The following CSRNP3 variants were observed in gnomAD, a reference collection of about 807,000 sequenced individuals.
CSRNP3 encodes cysteine/serine-rich nuclear protein 3.
A neutral mutation model predicts 48.0 loss-of-function variants in CSRNP3; 12 were observed. The ratio of observed to expected loss-of-function variants is 0.25; its 90% CI spans 0.16 to 0.41. The LOEUF (loss-of-function observed/expected upper bound fraction) is 0.41. Among genes scored for constraint, CSRNP3 ranks in the 10% least tolerant of loss-of-function variants. The probability of loss-of-function intolerance (pLI) is 1.00; values close to 1 mark genes in which losing one functional copy is unlikely to be tolerated. For missense variants in CSRNP3, 580 were observed against 724.4 expected, an observed-to-expected ratio of 0.80 and a Z score of 2.29; for synonymous variants, 263 against 269.7, an observed-to-expected ratio of 0.98 and a Z score of 0.24.
chr2:165,502,140 A>C (rs1684367016), intron 2 of CSRNP3, among the ~76,000 whole-genome samples: 1 of 152,080 alleles, frequency 6.6e-6, no homozygotes, highest in African/African-American at 2.4e-5. Context: ...CTATGCAATT[A>C]GTTGAATAAT....
At chr2:165,669,868 C>A (rs558815280) in intron 5 of CSRNP3, among the ~76,000 whole-genome samples, 1 of 152,112 alleles carries the variant, frequency 6.6e-6, no homozygotes, top group South Asian at 2.1e-4. Flanking sequence ...ACCTGGAGAT[C>A]CTAACAGTAC....
chr2:165,617,670 A>G lies in CSRNP3; in HGVS notation c.148+22457A>G, dbSNP rs142799085. On this transcript the variant is annotated intron_variant, in intron 4 of 6. Coordinates refer to ENST00000651982, the MANE Select transcript of CSRNP3 (RefSeq NM_001172173.2). The stretch of plus-strand genomic sequence containing the variant: ...GAAGGGCTGTATTTCCTCTCCGTAG[A>G]TGATACGCATATGCAGGTGTGTGGT... 3.0e-3 allele frequency among the ~76,000 whole-genome samples: 450 copies of G among 152,314 alleles called. 4 individuals are homozygous for G. Among genetic ancestry groups the G allele is most frequent in the African/African-American group, 0.01 (429 of 41,568 alleles).
chr2:165,644,374 A>G (rs1030725200), intron 4 of CSRNP3, among the ~76,000 whole-genome samples: 1 of 152,224 alleles, frequency 6.6e-6, no homozygotes, highest in Non-Finnish European at 1.5e-5. Flanking sequence ...ATGAGGCTTC[A>G]GGGGAGAACT....
chr2:165,533,479 A>G (rs1684841874), intron 3 of CSRNP3, among the ~76,000 whole-genome samples: 1 of 152,036 alleles, frequency 6.6e-6, no homozygotes, highest in Non-Finnish European at 1.5e-5. Context: ...AAAGGACATA[A>G]CAAAGTGCTG....
intron 3 of CSRNP3, among the ~76,000 whole-genome samples, chr2:165,538,320 C>A (rs953969460): frequency 6.6e-6 from 1 of 151,932 alleles, no homozygotes; most frequent in East Asian, 1.9e-4. Flanking sequence ...TTCCCCAAAA[C>A]CAGTAGGAAA....
intron 5 of CSRNP3, among the ~76,000 whole-genome samples, chr2:165,664,336 C>G (rs1038354038): frequency 6.6e-6 from 1 of 152,144 alleles, no homozygotes; most frequent in African/African-American, 2.4e-5. Flanking sequence ...TCTTATTGAA[C>G]AATTCTGGTG....
chr2:165,516,100 C>A (rs2105230836), intron 2 of CSRNP3, among the ~76,000 whole-genome samples: 1 of 152,192 alleles, frequency 6.6e-6, no homozygotes, highest in Middle Eastern at 3.4e-3. Flanking sequence ...GCCACTGTGC[C>A]CGGCCACAAA....
intron 2 of CSRNP3, among the ~76,000 whole-genome samples, chr2:165,495,514 G>A (rs1019453168): frequency 1.3e-5 from 2 of 151,950 alleles, no homozygotes; most frequent in Non-Finnish European, 1.5e-5. Context: ...AGCTTAGTAT[G>A]ATATGTTCTA....
intron 4 of CSRNP3, among the ~76,000 whole-genome samples, chr2:165,642,055 T>C (rs935690098): frequency 7.3e-5 from 11 of 151,234 alleles, no homozygotes; most frequent in Non-Finnish European, 2.9e-5. Context: ...CATAGACTCT[T>C]TGGGATGTTT....
chr2:165,666,923 GGAA>G (rs1687227636), intron 5 of CSRNP3, among the ~76,000 whole-genome samples: 1 of 60,468 alleles, frequency 1.7e-5, no homozygotes, highest in Non-Finnish European at 3.8e-5. Context: ...AAGGAAGGGA[GGAA>G]AGAGAGAAGA....
rs185869550 is a variant in CSRNP3 at position 165,479,335 on chromosome 2, A to T, written c.-283+9595A>T. On this transcript the variant is annotated intron_variant, in intron 1 of 6. Transcript: ENST00000651982. Reference sequence around the variant, plus strand: ...ATCAAGCAGTGAGATATCAAAAGTCATGAAAGTCCGTGATGATAAAATTAT... The same window carrying T: ...ATCAAGCAGTGAGATATCAAAAGTCTTGAAAGTCCGTGATGATAAAATTAT... Among the ~76,000 whole-genome samples the T allele has an allele frequency of 2.5e-3, 378 of 152,334 alleles. 1 individual carries two copies. Among genetic ancestry groups the T allele is most frequent in the African/African-American group, 8.7e-3 (361 of 41,574 alleles).
intron 1 of CSRNP3, among the ~76,000 whole-genome samples, chr2:165,494,281 G>A (rs1478729685): frequency 6.6e-6 from 1 of 151,984 alleles, no homozygotes; most frequent in East Asian, 1.9e-4. Context: ...GATGGACAAA[G>A]AGCCCCAGGA....
At chr2:165,571,015 AT>A (rs1325897104) in intron 3 of CSRNP3, among the ~76,000 whole-genome samples, 1 of 151,956 alleles carries the variant, frequency 6.6e-6, no homozygotes, top group Admixed American at 6.6e-5. Context: ...CTGGTTTTAA[AT>A]TATTTTTAAA....
chr2:165,478,592 T>C (rs1684000256), intron 1 of CSRNP3, among the ~76,000 whole-genome samples: 1 of 152,224 alleles, frequency 6.6e-6, no homozygotes, highest in Non-Finnish European at 1.5e-5. Context: ...TCTTCAAAAG[T>C]ACCTGGTTAT....
At chr2:165,601,537 GT>G (rs1215006039) in intron 4 of CSRNP3, among the ~76,000 whole-genome samples, 1 of 152,178 alleles carries the variant, frequency 6.6e-6, no homozygotes, top group Admixed American at 6.5e-5. Context: ...GCCAAAAAGT[GT>G]TGTGTGATTA....
chr2:165,683,781 T>C lies in CSRNP3; in HGVS notation c.*4028T>C, dbSNP rs993664421. 4.6e-5 allele frequency: 7 copies of C among 152,064 alleles called. No homozygotes were observed. Among genetic ancestry groups the C allele is most frequent in the Admixed American group, 3.3e-4 (5 of 15,238 alleles). The allele number at this position is 152,064 out of a possible 1,614,324, so 9.4% of individuals were successfully genotyped here. ...ATAATCAAGCTTTCTCAAATCCTCTTAATATGTGATTTTATCAAGTGACAT... is the reference window on the plus strand; with the variant it reads ...ATAATCAAGCTTTCTCAAATCCTCTCAATATGTGATTTTATCAAGTGACAT... On this transcript the variant is annotated 3_prime_UTR_variant, in exon 7 of 7. Transcript: ENST00000651982.
chr2:165,529,312 T>A (rs1684782476), intron 3 of CSRNP3, among the ~76,000 whole-genome samples: 1 of 152,190 alleles, frequency 6.6e-6, no homozygotes, highest in Non-Finnish European at 1.5e-5. Flanking sequence ...AAAGGGACCC[T>A]GTGGGAGTTA....
chr2:165,687,987 A>G lies in CSRNP3; in HGVS notation c.*8234A>G, dbSNP rs917458581. ...CGGATGCTCTTGTGAAATGACAGCC[A>G]CATCAGTGTGGTTACTCCCCACAAA... On this transcript the variant is annotated 3_prime_UTR_variant, in exon 7 of 7. Coordinates refer to ENST00000651982, the MANE Select transcript of CSRNP3 (RefSeq NM_001172173.2). The G allele has an allele frequency of 2.0e-5, 3 of 151,608 alleles. No homozygotes were observed. The highest frequency in any genetic ancestry group is 4.8e-5 in the African/African-American group (2 of 41,250). 9.4% of individuals were successfully genotyped at this position (151,608 alleles called of 1,614,324 possible).
At chr2:165,619,644 G>C (rs184615254) in intron 4 of CSRNP3, among the ~76,000 whole-genome samples, 178 of 152,110 alleles carry the variant, frequency 1.2e-3, no homozygotes, top group Non-Finnish European at 2.2e-3. Flanking sequence ...AGAATTAGAG[G>C]CTCAAATTCT....
Sources: allele counts gnomAD v4.1 joint callset (sites outside exome capture counted in the v4.1 genomes callset), GRCh38; gene constraint gnomAD v4.1.1; transcripts MANE v1.5; gene names NCBI Gene and HGNC (gene_info 2026-07-23, HGNC 2026-07-21).